The following ESPNL variants were observed in gnomAD, a reference collection of about 807,000 sequenced individuals.
ESPNL encodes espin-like protein.
Under a neutral mutation model 46.8 loss-of-function variants are expected in ESPNL, and 49 were observed. The ratio of observed to expected loss-of-function variants is 1.05; its 90% CI spans 0.83 to 1.33. The LOEUF (loss-of-function observed/expected upper bound fraction) is 1.33. Among genes scored for constraint, ESPNL ranks in the 40% most tolerant of loss-of-function variants. The pLI is 0.00. For missense variants in ESPNL, 1,540 were observed against 1,436.6 expected (o/e 1.07, Z -1.16); for synonymous variants, 664 against 662.1 (o/e 1.00, Z -0.04).
Position 238,131,060 on chromosome 2 carries a change from T to C in ESPNL, c.2346T>C (p.Pro782=). The C allele has an allele frequency of 1.3e-6, 2 of 1,539,170 alleles. No individual in the cohort carries two copies. Among genetic ancestry groups the C allele is most frequent in the Non-Finnish European group, 1.7e-6 (2 of 1,143,966 alleles). The change falls in exon 9 of 9, where the codon CCT becomes CCC. Residue 782 remains proline (P), a synonymous_variant. Transcript: ENST00000343063. The part of the protein sequence containing the change: ...GLRGQEAARS[P]GPPSPPSEGP... ...GGGGCCAGGAGGCCGCCAGGAGCCC[T>C]GGGCCACCCTCCCCGCCCAGCGAGG...
intron 6 of ESPNL, among the ~76,000 whole-genome samples, chr2:238,126,718 GTC>G (rs1489157849): frequency 1.4e-4 from 21 of 151,446 alleles, no homozygotes; most frequent in Non-Finnish European, 2.5e-4. Context: ...GTGTCTGTGT[GTC>G]TCTGCGTATG....
intron 2 of ESPNL, among the ~76,000 whole-genome samples, chr2:238,104,167 T>C (rs1402388532): frequency 6.6e-6 from 1 of 152,038 alleles, no homozygotes; most frequent in African/African-American, 2.4e-5. Flanking sequence ...TCAGCAGGCT[T>C]GGCGGGAAAG....
chr2:238,116,424 AG>A (rs1279611021), intron 4 of ESPNL, among the ~76,000 whole-genome samples: 1 of 152,174 alleles, frequency 6.6e-6, no homozygotes, highest in African/African-American at 2.4e-5. Context: ...TCCAGGCACT[AG>A]GGGGGAACCT....
At chr2:238,128,414 C>T (rs1200774095) in intron 7 of ESPNL, among the ~76,000 whole-genome samples, 8 of 152,244 alleles carry the variant, frequency 5.3e-5, no homozygotes, top group African/African-American at 1.9e-4. Context: ...GCTCCGCGAG[C>T]ATCTGCTGGG....
intron 1 of ESPNL, 38 bp downstream of exon 1, chr2:238,100,751 G>C: frequency 2.9e-6 from 4 of 1,393,048 alleles, no homozygotes; most frequent in Non-Finnish European, 3.7e-6. Context: ...CACGAAGCTG[G>C]CTGGGGTGGA....
At chr2:238,118,995 G>C (rs1355705476) in intron 5 of ESPNL, among the ~76,000 whole-genome samples, 1 of 139,578 alleles carries the variant, frequency 7.2e-6, no homozygotes, top group Non-Finnish European at 1.5e-5. Flanking sequence ...AGGAGGAGTG[G>C]ATGGAAGAGG....
At position 238,131,832 on chromosome 2, in the gene ESPNL, C is replaced by T; in HGVS notation, c.*100C>T. 3 of 1,318,868 alleles carry T rather than the reference C, an allele frequency of 2.3e-6. No homozygotes were observed. Among genetic ancestry groups the T allele is most frequent in the Non-Finnish European group, 3.1e-6 (3 of 954,296 alleles). 81.7% of individuals were successfully genotyped at this position (1,318,868 alleles called of 1,614,324 possible). A position where few individuals can be genotyped will look rare whatever the true frequency, so the allele number is the denominator to read the frequency against. On this transcript the variant is annotated 3_prime_UTR_variant, in exon 9 of 9. Transcript: ENST00000343063. ...ACCCTTGGTGTTCAGGTGAGCCGGG[C>T]AAGGCTGCCTCCAGTCCTACCAGTT...
In ESPNL at chr2:238,131,012, A is replaced by G. The variant is rs1457043686; in HGVS notation, c.2298A>G (p.Leu766=). Residue 766 remains leucine, a synonymous_variant, in exon 9 of 9, where the codon CTA becomes CTG. Coordinates refer to ENST00000343063, the MANE Select transcript of ESPNL (RefSeq NM_194312.4). ...PALKTVACRT[L]GARHAGLRGQ... ...TCAAGACAGTGGCCTGCAGGACCCT[A>G]GGAGCCCGCCACGCGGGGTTGCGGG... 3 of 1,542,480 alleles carry G rather than the reference A, an allele frequency of 1.9e-6. No homozygotes were observed. Among genetic ancestry groups the G allele is most frequent in the Non-Finnish European group, 2.6e-6 (3 of 1,144,790 alleles).
In ESPNL at chr2:238,131,035, G is replaced by A. The variant is rs775173460; in HGVS notation, c.2321G>A (p.Arg774Gln). 62 of 1,538,316 alleles carry A rather than the reference G, an allele frequency of 4.0e-5. No homozygotes were observed. Among genetic ancestry groups the A allele is most frequent in the Admixed American group, 1.6e-4 (8 of 50,726 alleles). ...RTLGARHAGL[R>Q]GQEAARSPGP... ...CTAGGAGCCCGCCACGCGGGGTTGCGGGGCCAGGAGGCCGCCAGGAGCCCT... is the reference window on the plus strand; with the variant it reads ...CTAGGAGCCCGCCACGCGGGGTTGCAGGGCCAGGAGGCCGCCAGGAGCCCT... Residue 774 changes from arginine to glutamine, a missense_variant, in exon 9 of 9, where the codon CGG (arginine) becomes CAG (glutamine). Coordinates refer to ENST00000343063, the MANE Select transcript of ESPNL (RefSeq NM_194312.4).
intron 8 of ESPNL, chr2:238,129,285 G>C (rs1692222953): frequency 9.1e-7 from 1 of 1,102,194 alleles, no homozygotes; most frequent in African/African-American, 1.6e-5. Context: ...AAGCAAAGCA[G>C]TTGGGGGACT....
At chr2:238,129,746 C>A (rs936550891) in intron 8 of ESPNL, among the ~76,000 whole-genome samples, 1 of 152,252 alleles carries the variant, frequency 6.6e-6, no homozygotes, top group Non-Finnish European at 1.5e-5. Context: ...AAATTCATTA[C>A]AATTTAAGGA....
At chr2:238,101,312 G>A (rs768731333) in intron 1 of ESPNL, among the ~76,000 whole-genome samples, 13 of 152,194 alleles carry the variant, frequency 8.5e-5, no homozygotes, top group Admixed American at 7.2e-4. Flanking sequence ...GGTGGGGGCC[G>A]GTGGGGCCTG....
At chr2:238,128,640 C>G (rs1692197787) in intron 7 of ESPNL, 67 bp from the exon 8 acceptor site, 5 of 1,485,996 alleles carry the variant, frequency 3.4e-6, no homozygotes, top group Admixed American at 2.0e-5. Context: ...CACGTCCTCT[C>G]GGATCTTCCC....
At position 238,131,785 on chromosome 2, in the gene ESPNL, C is replaced by A; in HGVS notation, c.*53C>A. The A allele has an allele frequency of 6.6e-7, 1 of 1,525,526 alleles. No individual in the cohort carries two copies. Among genetic ancestry groups the A allele is most frequent in the South Asian group, 1.3e-5 (1 of 76,970 alleles). The allele number at this position is 1,525,526 out of a possible 1,614,324, so 94.5% of individuals were successfully genotyped here. On this transcript the variant is annotated 3_prime_UTR_variant, in exon 9 of 9. Coordinates refer to ENST00000343063, the MANE Select transcript of ESPNL (RefSeq NM_194312.4). ...GTGGTTTGGGGGTGACTTGGAGTTT[C>A]TCTTTTCTTTTCCTTGCTCACACCC...
chr2:238,119,393 AGGTG>A (rs1691925361), intron 5 of ESPNL, among the ~76,000 whole-genome samples: 1 of 78,166 alleles, frequency 1.3e-5, no homozygotes, highest in Non-Finnish European at 2.5e-5. Flanking sequence ...TGGATGCAGG[AGGTG>A]GATGGAGGAG....
intron 4 of ESPNL, among the ~76,000 whole-genome samples, chr2:238,112,073 A>G (rs1330308356): frequency 6.6e-6 from 1 of 152,006 alleles, no homozygotes; most frequent in Non-Finnish European, 1.5e-5. Flanking sequence ...TTTTGGTTAT[A>G]TTAGACTTAT....
In ESPNL at chr2:238,132,658, T is replaced by G. The variant is rs6431584; in HGVS notation, c.*926T>G. On this transcript the variant is annotated 3_prime_UTR_variant, in exon 9 of 9. Transcript: ENST00000343063. ...GGAGGGATACAGGAAGGGAGATGGA[T>G]TCCGTCCTCGGGGGCTCTGGGTGCT... The G allele has an allele frequency of 0.34, 51,610 of 152,716 alleles. 9,332 individuals carry two copies. Among genetic ancestry groups the G allele is most frequent in the African/African-American group, 0.47 (19,488 of 41,530 alleles). The allele number at this position is 152,716 out of a possible 1,614,324, so 9.5% of individuals were successfully genotyped here.
chr2:238,108,911 G>A (rs552521363), intron 4 of ESPNL, among the ~76,000 whole-genome samples: 2 of 152,214 alleles, frequency 1.3e-5, no homozygotes, highest in Non-Finnish European at 2.9e-5. Flanking sequence ...CTGAGCCTTT[G>A]GCAGAATGCA....
chr2:238,107,655 C>A (rs1199689090), intron 3 of ESPNL, 136 bp from the exon 4 acceptor site: 1 of 891,038 alleles, frequency 1.1e-6, no homozygotes, highest in South Asian at 1.9e-5. Flanking sequence ...CAGCCCTGTC[C>A]GGGGTTTCCT....
Sources: allele counts gnomAD v4.1 joint callset (sites outside exome capture counted in the v4.1 genomes callset), GRCh38; gene constraint gnomAD v4.1.1; transcripts MANE v1.5; gene names NCBI Gene and HGNC (gene_info 2026-07-23, HGNC 2026-07-21).